HSDL1: variants seen among roughly 807,000 people sequenced by gnomAD.
The protein encoded by HSDL1 is inactive hydroxysteroid dehydrogenase-like protein 1.
Under a neutral mutation model 31.5 loss-of-function variants are expected in HSDL1, and 29 were observed. That is an observed-to-expected ratio of 0.92 (90% confidence interval 0.69 to 1.26). The LOEUF (loss-of-function observed/expected upper bound fraction) is 1.26. Ranked by LOEUF, HSDL1 falls within the 50% of genes most tolerant of loss-of-function variation. HSDL1 has a pLI of 0.00. For missense variants in HSDL1, 503 were observed against 416.6 expected, an observed-to-expected ratio of 1.21 and a Z score of -1.81; for synonymous variants, 222 against 155.2, an observed-to-expected ratio of 1.43 and a Z score of -3.20.
In HSDL1 at chr16:84,122,634, G is replaced by A. The variant is rs1360032362; in HGVS notation, c.*1996C>T. On this transcript the variant is annotated 3_prime_UTR_variant, in exon 6 of 6. Transcript: ENST00000219439. ...TCCAAACTGCTGGGATTACAGGTGT[G>A]AGCCACCGCACTCGGCCCCTATTTC... 1 of 152,242 alleles carries A rather than the reference G, an allele frequency of 6.6e-6. No individual in the cohort carries two copies. The highest frequency in any genetic ancestry group is 1.5e-5 in the Non-Finnish European group (1 of 68,090). 9.4% of individuals were successfully genotyped at this position (152,242 alleles called of 1,614,324 possible). A position where few individuals can be genotyped will look rare whatever the true frequency, so the allele number is the denominator to read the frequency against.
At chr16:84,127,090 A>G (rs556973433) in intron 5 of HSDL1, among the ~76,000 whole-genome samples, 20 of 151,996 alleles carry the variant, frequency 1.3e-4, no homozygotes, top group African/African-American at 4.3e-4. Flanking sequence ...TGATCCTCAT[A>G]TCTTTATTTC....
In HSDL1 at chr16:84,123,493, G is replaced by T. The variant is rs1315500664; in HGVS notation, c.*1137C>A. The T allele has an allele frequency of 6.6e-6, 1 of 152,208 alleles. No individual in the cohort carries two copies. Among genetic ancestry groups the T allele is most frequent in the East Asian group, 1.9e-4 (1 of 5,206 alleles). The allele number at this position is 152,208 out of a possible 1,614,324, so 9.4% of individuals were successfully genotyped here. ...ACAGGTTTCAATGTTAACGCGTATT[G>T]TGAGGGTTTGTGCATAATTATCTTC... On this transcript the variant is annotated 3_prime_UTR_variant, in exon 6 of 6. Coordinates refer to ENST00000219439, the MANE Select transcript of HSDL1 (RefSeq NM_031463.5).
chr16:84,124,841 C>G (rs2086587493), intron 5 of HSDL1, 113 bp from the exon 6 acceptor site: 1 of 659,844 alleles, frequency 1.5e-6, no homozygotes, highest in Middle Eastern at 3.0e-4. Context: ...ACCCACCAAT[C>G]AATCACAACA....
chr16:84,131,245 G>T lies in HSDL1; in HGVS notation c.77C>A (p.Ala26Asp). 1 of 1,614,160 alleles carries T rather than the reference G, an allele frequency of 6.2e-7. No homozygotes were observed. The highest frequency in any genetic ancestry group is 8.5e-7 in the Non-Finnish European group (1 of 1,180,028). Reference protein sequence around the residue: ...RSCNCYMEALALVGAWYTARK... With the variant: ...RSCNCYMEALDLVGAWYTARK... ...GGCCGTATACCAGGCTCCAACCAAAGCTAGAGCTTCCATATAGCAATTGCA... is the reference window on the plus strand; with the variant it reads ...GGCCGTATACCAGGCTCCAACCAAATCTAGAGCTTCCATATAGCAATTGCA... Residue 26 changes from alanine (A) to aspartate (D), a missense_variant, in exon 3 of 6, where the codon GCT becomes GAT. By Grantham distance (126) the Ala-to-Asp change is moderately radical (BLOSUM62 -2). Coordinates refer to ENST00000219439, the MANE Select transcript of HSDL1 (RefSeq NM_031463.5).
At chr16:84,125,328 A>AC (rs1202422928) in intron 5 of HSDL1, 8 of 153,408 alleles carry the variant, frequency 5.2e-5, no homozygotes, top group African/African-American at 1.9e-4. Flanking sequence ...CCAATCAATC[A>AC]CAACAAATAC....
chr16:84,133,809 G>A (rs1203631484), intron 2 of HSDL1, among the ~76,000 whole-genome samples: 1 of 152,112 alleles, frequency 6.6e-6, no homozygotes, highest in Non-Finnish European at 1.5e-5. Context: ...TGTCCACTGG[G>A]GCTCTGTGCA....
At chr16:84,126,863 T>C (rs967775589) in intron 5 of HSDL1, among the ~76,000 whole-genome samples, 8 of 152,122 alleles carry the variant, frequency 5.3e-5, no homozygotes, top group Non-Finnish European at 8.8e-5. Flanking sequence ...AAATAAAAAA[T>C]GATAGTGTTG....
chr16:84,138,049 A>T (rs967316557), intron 1 of HSDL1, among the ~76,000 whole-genome samples: 1 of 152,252 alleles, frequency 6.6e-6, no homozygotes, highest in Non-Finnish European at 1.5e-5. Flanking sequence ...CGATCAGATA[A>T]TGAGGGCTCC....
intron 2 of HSDL1, among the ~76,000 whole-genome samples, chr16:84,133,243 G>A (rs1242917125): frequency 1.3e-5 from 2 of 152,110 alleles, no homozygotes; most frequent in East Asian, 3.8e-4. Context: ...ATATAAATGT[G>A]TAGTGTGAAT....
intron 1 of HSDL1, among the ~76,000 whole-genome samples, chr16:84,142,010 C>A (rs2086773547): frequency 1.3e-5 from 2 of 152,238 alleles, no homozygotes; most frequent in Admixed American, 1.3e-4. Flanking sequence ...TCACTGCAAC[C>A]TCCGCCTTCC....
intron 2 of HSDL1, among the ~76,000 whole-genome samples, chr16:84,132,206 G>C (rs2086676102): frequency 6.6e-6 from 1 of 152,124 alleles, no homozygotes; most frequent in Admixed American, 6.5e-5. Flanking sequence ...ATACAGCAGA[G>C]GTACATGTAT....
At chr16:84,141,358 C>T (rs2151192634) in intron 1 of HSDL1, among the ~76,000 whole-genome samples, 1 of 152,074 alleles carries the variant, frequency 6.6e-6, no homozygotes, top group East Asian at 1.9e-4. Context: ...TTCAGATACA[C>T]CACGATTCAC....
intron 1 of HSDL1, among the ~76,000 whole-genome samples, chr16:84,137,509 AG>A (rs2086723831): frequency 6.6e-6 from 1 of 152,164 alleles, no homozygotes; most frequent in Admixed American, 6.5e-5. Context: ...GTAACGCAGC[AG>A]GGGAGGAGGG....
At chr16:84,126,736 C>CCA (rs34136601) in intron 5 of HSDL1, among the ~76,000 whole-genome samples, 48,766 of 151,156 alleles carry the variant, frequency 0.32, 7,914 homozygotes, top group Non-Finnish European at 0.36. Context: ...ACACCCACAC[C>CCA]CACACACACA....
intron 1 of HSDL1, among the ~76,000 whole-genome samples, chr16:84,142,153 C>T (rs180763019): frequency 1.4e-4 from 21 of 152,234 alleles, no homozygotes; most frequent in African/African-American, 4.6e-4. Flanking sequence ...GTCTCAAACT[C>T]GTAAGCTCAA....
Position 84,130,012 on chromosome 16 carries a change from G to A in HSDL1, c.640C>T (p.Gln214Ter). Reference sequence around the variant, plus strand: ...TTAGAAGCAGAAAATGCAGCCAGCTGAGGAGTGGGTTTGCAGCAGGAGCCA... The same window carrying A: ...TTAGAAGCAGAAAATGCAGCCAGCTAAGGAGTGGGTTTGCAGCAGGAGCCA... ...SSGSCCKPTP[Q>*]LAAFSASKAY... The change falls in exon 4 of 6, where the codon CAG (glutamine) becomes TAG (stop). Residue 214 changes from glutamine (Q) to a stop codon, truncating the protein, a stop_gained. Coordinates refer to ENST00000219439, the MANE Select transcript of HSDL1 (RefSeq NM_031463.5). LOFTEE classifies it high-confidence loss of function. 2 of 1,614,006 alleles carry A rather than the reference G, an allele frequency of 1.2e-6. No homozygotes were observed. Among genetic ancestry groups the A allele is most frequent in the Non-Finnish European group, 8.5e-7 (1 of 1,179,902 alleles).
rs373535158 is a variant in HSDL1, at chr16:84,124,778, C to T, written c.895-50G>A. 15 of 1,267,162 alleles carry T rather than the reference C, an allele frequency of 1.2e-5. No individual in the cohort carries two copies. The African/African-American group carries it at 1.9e-4, about 16-fold the overall frequency. The allele number at this position is 1,267,162 out of a possible 1,614,324, so 78.5% of individuals were successfully genotyped here. A position where few individuals can be genotyped will look rare whatever the true frequency, so the allele number is the denominator to read the frequency against. On this transcript the variant is annotated intron_variant, in intron 5 of 5. Coordinates refer to ENST00000219439, the MANE Select transcript of HSDL1 (RefSeq NM_031463.5). ...GTAAGGTTAGAACCCAAAATCAACA[C>T]TGAAGGAACAAGTACACAGACCAGC...
At chr16:84,142,460 G>T in intron 1 of HSDL1, among the ~76,000 whole-genome samples, 1 of 89,576 alleles carries the variant, frequency 1.1e-5, no homozygotes, top group East Asian at 4.1e-4. Flanking sequence ...TTTTGAGACA[G>T]AGTCTCACTC....
Position 84,122,781 on chromosome 16 carries a change from C to G in HSDL1, c.*1849G>C, listed in dbSNP as rs1238812377. 6.6e-6 allele frequency: 1 copy of G among 152,234 alleles called. No individual in the cohort carries two copies. The highest frequency in any genetic ancestry group is 2.1e-4 in the South Asian group (1 of 4,834). 9.4% of individuals were successfully genotyped at this position (152,234 alleles called of 1,614,324 possible). ...AGAAGGTCTTGCTCTTCATCTTTCA[C>G]TGCAGCTATGGACAGCTCGGCACCA... is the stretch of plus-strand genomic sequence containing the variant. On this transcript the variant is annotated 3_prime_UTR_variant, in exon 6 of 6. Transcript: ENST00000219439.
Sources: allele counts gnomAD v4.1 joint callset (sites outside exome capture counted in the v4.1 genomes callset), GRCh38; gene constraint gnomAD v4.1.1; transcripts MANE v1.5; gene names NCBI Gene and HGNC (gene_info 2026-07-23, HGNC 2026-07-21).